Variants in STK32C observed in about 807,000 individuals in gnomAD.
The protein encoded by STK32C is serine/threonine-protein kinase 32C.
STK32C carries 31 observed loss-of-function variants against 56.5 expected under a neutral mutation model. That is an observed-to-expected ratio of 0.55 (90% CI 0.41 to 0.74). The LOEUF (loss-of-function observed/expected upper bound fraction) is 0.74, where lower values mean the gene tolerates loss of function less well. Among genes scored for constraint, STK32C ranks in the 30% least tolerant of loss-of-function variants. The pLI, the probability that STK32C is intolerant of heterozygous loss-of-function variation, is 0.00. For missense variants in STK32C, 544 were observed against 676.9 expected (o/e 0.80, Z 2.18); for synonymous variants, 309 against 289.4 (o/e 1.07, Z -0.69).
At chr10:132,306,605 A>G (rs1352114034) in intron 1 of STK32C, among the ~76,000 whole-genome samples, 1 of 152,264 alleles carries the variant, frequency 6.6e-6, no homozygotes, top group Non-Finnish European at 1.5e-5. Flanking sequence ...TCGCAAGTAA[A>G]TAGCCTGGCT....
intron 1 of STK32C, among the ~76,000 whole-genome samples, chr10:132,268,333 G>A (rs1012439285): frequency 1.3e-5 from 2 of 149,756 alleles, no homozygotes; most frequent in Non-Finnish European, 3.0e-5. Context: ...CGGTGTGTGT[G>A]CATGCATGTG....
chr10:132,260,532 G>A (rs965300763), intron 1 of STK32C, among the ~76,000 whole-genome samples: 8 of 152,332 alleles, frequency 5.3e-5, no homozygotes, highest in South Asian at 4.1e-4. Context: ...CACCGTTGTC[G>A]GGTCCTGGGT....
intron 1 of STK32C, among the ~76,000 whole-genome samples, chr10:132,276,849 G>A (rs11146306): frequency 0.21 from 31,949 of 151,596 alleles, 4,151 homozygotes; most frequent in Non-Finnish European, 0.31. Flanking sequence ...CGTGGCCCAC[G>A]GTCCCCAAGA....
At chr10:132,271,212 T>G (rs1324804172) in intron 1 of STK32C, among the ~76,000 whole-genome samples, 3 of 151,828 alleles carry the variant, frequency 2.0e-5, no homozygotes, top group Non-Finnish European at 2.9e-5. Context: ...TCCAGAAGAG[T>G]GTCCCTGGGC....
intron 1 of STK32C, among the ~76,000 whole-genome samples, chr10:132,305,058 G>A (rs1268742818): frequency 1.3e-5 from 2 of 152,326 alleles, no homozygotes; most frequent in Admixed American, 6.5e-5. Context: ...GAAGGGGCTC[G>A]CCCAACGCCA....
intron 1 of STK32C, among the ~76,000 whole-genome samples, chr10:132,278,535 G>C (rs1244449152): frequency 1.3e-5 from 2 of 151,948 alleles, no homozygotes; most frequent in East Asian, 3.9e-4. Flanking sequence ...GCTGAGGCGG[G>C]TGGATCACGA....
At chr10:132,285,916 T>C (rs7097582) in intron 1 of STK32C, among the ~76,000 whole-genome samples, 1 of 152,068 alleles carries the variant, frequency 6.6e-6, no homozygotes, top group Non-Finnish European at 1.5e-5. Flanking sequence ...GGTCAGGAGA[T>C]GGAGATGACC....
intron 1 of STK32C, among the ~76,000 whole-genome samples, chr10:132,263,354 C>T (rs1436826859): frequency 6.6e-6 from 1 of 152,080 alleles, no homozygotes; most frequent in Non-Finnish European, 1.5e-5. Context: ...AAACTCAATA[C>T]CACATGTCCT....
intron 1 of STK32C, among the ~76,000 whole-genome samples, chr10:132,274,400 C>G (rs184091909): frequency 6.6e-6 from 1 of 152,174 alleles, no homozygotes; most frequent in Non-Finnish European, 1.5e-5. Flanking sequence ...GGTAAGTGCA[C>G]GGTTTTATTT....
chr10:132,294,657 A>G (rs2065681016), intron 1 of STK32C, among the ~76,000 whole-genome samples: 1 of 152,126 alleles, frequency 6.6e-6, no homozygotes, highest in Admixed American at 6.5e-5. Context: ...AGTTGTGTAC[A>G]CAGCTATCAG....
chr10:132,327,769 G>T (rs566280028), intron 1 of STK32C, among the ~76,000 whole-genome samples: 38 of 152,228 alleles, frequency 2.5e-4, no homozygotes, highest in African/African-American at 8.7e-4. Flanking sequence ...GAGCCACCAT[G>T]CTTGGCCTAT....
intron 10 of STK32C, among the ~76,000 whole-genome samples, chr10:132,220,211 G>A (rs374822094): frequency 1.0e-3 from 159 of 152,358 alleles, no homozygotes; most frequent in African/African-American, 3.8e-3. Context: ...TGAGAAGAGG[G>A]GAGGAGATGG....
At chr10:132,222,337 T>G (rs868343858) in intron 10 of STK32C, among the ~76,000 whole-genome samples, 1 of 152,048 alleles carries the variant, frequency 6.6e-6, no homozygotes, top group South Asian at 2.1e-4. Flanking sequence ...GGGCTTCACA[T>G]AGCCGTCCCC....
chr10:132,230,162 G>A (rs137858874), intron 2 of STK32C, among the ~76,000 whole-genome samples: 7 of 152,334 alleles, frequency 4.6e-5, no homozygotes, highest in Non-Finnish European at 1.0e-4. Flanking sequence ...GGGCGGGGCG[G>A]GATTTCTCCT....
At chr10:132,264,954 C>T (rs11146283) in intron 1 of STK32C, among the ~76,000 whole-genome samples, 43,190 of 152,258 alleles carry the variant, frequency 0.28, 6,658 homozygotes, top group East Asian at 0.66. Flanking sequence ...CCATCATACC[C>T]GTATTTTATT....
At chr10:132,278,537 G>A (rs2065055294) in intron 1 of STK32C, among the ~76,000 whole-genome samples, 1 of 152,014 alleles carries the variant, frequency 6.6e-6, no homozygotes, top group Non-Finnish European at 1.5e-5. Context: ...TGAGGCGGGT[G>A]GATCACGAAG....
At chr10:132,225,400 G>A (rs750215616) in intron 6 of STK32C, 64 bp from the exon 7 acceptor site, 5 of 1,585,272 alleles carry the variant, frequency 3.2e-6, no homozygotes, top group Admixed American at 1.8e-5. Context: ...GTGGGCACAG[G>A]GCCGGCACCT....
At chr10:132,315,667 A>G (rs1049061458) in intron 1 of STK32C, among the ~76,000 whole-genome samples, 2 of 152,240 alleles carry the variant, frequency 1.3e-5, no homozygotes, top group African/African-American at 4.8e-5. Context: ...AGGTACACAC[A>G]TACGCAATTA....
At chr10:132,309,759 C>T (rs1449525246), upstream of STK32C, among the ~76,000 whole-genome samples, 1 of 152,176 alleles carries the variant, frequency 6.6e-6, no homozygotes, top group Non-Finnish European at 1.5e-5. Flanking sequence ...ACCCGGTGCA[C>T]ACATCAGACT....
Sources: gnomAD v4.1 joint callset for allele counts (sites outside exome capture counted in the v4.1 genomes callset) on GRCh38, gnomAD v4.1.1 for gene constraint, MANE v1.5 for transcripts, NCBI Gene and HGNC (gene_info 2026-07-23, HGNC 2026-07-21) for gene names.